The following CERS6 variants were observed in gnomAD, a reference collection of about 807,000 sequenced individuals.
The protein encoded by CERS6 is LAG1 homolog, ceramide synthase 6.
A neutral mutation model predicts 56.8 loss-of-function variants in CERS6; 26 were observed. The observed-to-expected ratio is 0.46, with a 90% CI of 0.34 to 0.63. The LOEUF is 0.63. CERS6 is among the 30% of genes least tolerant of loss of function. The probability of loss-of-function intolerance (pLI) is 0.01; values close to 1 mark genes in which losing one functional copy is unlikely to be tolerated. For synonymous variants in CERS6, 164 were observed against 173.3 expected, an observed-to-expected ratio of 0.95 and a Z score of 0.42; for missense variants, 415 against 467.5, an observed-to-expected ratio of 0.89 and a Z score of 1.04.
chr2:168,693,600 A>G (rs1224581938), intron 5 of CERS6, among the ~76,000 whole-genome samples: 1 of 152,130 alleles, frequency 6.6e-6, no homozygotes, highest in Non-Finnish European at 1.5e-5. Context: ...AGGACAGTTC[A>G]GTAGGAAGTG....
At chr2:168,481,893 G>C (rs1694184255) in intron 1 of CERS6, among the ~76,000 whole-genome samples, 1 of 152,172 alleles carries the variant, frequency 6.6e-6, no homozygotes, top group Non-Finnish European at 1.5e-5. Flanking sequence ...AGTAGTTTTG[G>C]TTTAGAAGTT....
At chr2:168,719,579 T>G (rs1687309007) in intron 8 of CERS6, among the ~76,000 whole-genome samples, 1 of 152,242 alleles carries the variant, frequency 6.6e-6, no homozygotes, top group Non-Finnish European at 1.5e-5. Flanking sequence ...TTCTTTGGAT[T>G]CACCAACAAT....
intron 4 of CERS6, among the ~76,000 whole-genome samples, chr2:168,632,699 A>G (rs953442785): frequency 6.6e-6 from 1 of 152,196 alleles, no homozygotes. Flanking sequence ...TTTTGTGCTT[A>G]TAACTTTACT....
intron 3 of CERS6, among the ~76,000 whole-genome samples, chr2:168,615,475 G>C (rs1684293910): frequency 6.6e-6 from 1 of 151,868 alleles, no homozygotes; most frequent in African/African-American, 2.4e-5. Flanking sequence ...AAAAATGATA[G>C]AAGAAATGAG....
chr2:168,676,885 T>C (rs1353651519), intron 4 of CERS6, among the ~76,000 whole-genome samples: 1 of 152,168 alleles, frequency 6.6e-6, no homozygotes, highest in African/African-American at 2.4e-5. Flanking sequence ...TTCCTTCTAA[T>C]CGCGACTGTC....
chr2:168,624,598 A>C (rs958285845), intron 3 of CERS6, among the ~76,000 whole-genome samples: 1 of 152,152 alleles, frequency 6.6e-6, no homozygotes, highest in African/African-American at 2.4e-5. Context: ...TTGTAAAAAT[A>C]AATAGGTGAC....
chr2:168,616,439 A>T (rs530321734), intron 3 of CERS6, among the ~76,000 whole-genome samples: 1 of 152,374 alleles, frequency 6.6e-6, no homozygotes, highest in South Asian at 2.1e-4. Context: ...AAGATACGGA[A>T]TGGCAGAATG....
intron 1 of CERS6, among the ~76,000 whole-genome samples, chr2:168,528,807 C>G (rs952217718): frequency 1.3e-5 from 2 of 152,228 alleles, no homozygotes; most frequent in African/African-American, 4.8e-5. Context: ...ACTACTTTCT[C>G]TGGACCTCAG....
chr2:168,637,276 G>GACCA (rs1684881777), intron 4 of CERS6, among the ~76,000 whole-genome samples: 2 of 152,114 alleles, frequency 1.3e-5, no homozygotes, highest in Non-Finnish European at 1.5e-5. Flanking sequence ...AGGAGTTCAA[G>GACCA]ACCAGCCTGG....
chr2:168,610,367 C>A (rs901583519), intron 3 of CERS6, among the ~76,000 whole-genome samples: 2 of 152,160 alleles, frequency 1.3e-5, no homozygotes, highest in African/African-American at 4.8e-5. Flanking sequence ...AGCTTGTCAG[C>A]CCCTTGAGGG....
intron 1 of CERS6, among the ~76,000 whole-genome samples, chr2:168,499,873 C>G (rs1243992307): frequency 6.6e-6 from 1 of 152,174 alleles, no homozygotes; most frequent in East Asian, 1.9e-4. Flanking sequence ...TGATATCCTC[C>G]TGGTAACTCA....
intron 4 of CERS6, among the ~76,000 whole-genome samples, chr2:168,657,112 C>T (rs1482399457): frequency 6.6e-6 from 1 of 152,134 alleles, no homozygotes; most frequent in African/African-American, 2.4e-5. Flanking sequence ...TCCACGTCCT[C>T]ACCAGAGCAG....
intron 4 of CERS6, among the ~76,000 whole-genome samples, chr2:168,659,990 A>C (rs1559040731): frequency 6.6e-6 from 1 of 152,242 alleles, no homozygotes; most frequent in Non-Finnish European, 1.5e-5. Flanking sequence ...TTCAAATGGA[A>C]TACAAACGTG....
intron 3 of CERS6, among the ~76,000 whole-genome samples, chr2:168,567,068 C>T (rs1327910430): frequency 3.3e-5 from 5 of 152,136 alleles, no homozygotes; most frequent in Non-Finnish European, 5.9e-5. Flanking sequence ...TGTGTAAATG[C>T]TGATTATAAG....
chr2:168,695,946 G>A (rs939646737), intron 6 of CERS6, among the ~76,000 whole-genome samples: 2 of 152,118 alleles, frequency 1.3e-5, no homozygotes, highest in African/African-American at 2.4e-5. Flanking sequence ...TACTTTTTGA[G>A]TGTTAACATG....
At chr2:168,555,799 A>G (rs1286121102) in intron 2 of CERS6, among the ~76,000 whole-genome samples, 2 of 151,630 alleles carry the variant, frequency 1.3e-5, no homozygotes, top group Non-Finnish European at 2.9e-5. Flanking sequence ...CTAAACTGCA[A>G]AAAAGTACCA....
At chr2:168,715,942 G>A (rs764219497) in intron 7 of CERS6, among the ~76,000 whole-genome samples, 1 of 151,364 alleles carries the variant, frequency 6.6e-6, no homozygotes, top group East Asian at 1.9e-4. Flanking sequence ...TTTCCTTTAG[G>A]CCCACCGTTT....
chr2:168,548,182 G>T (rs148100457), intron 2 of CERS6, among the ~76,000 whole-genome samples: 269 of 152,290 alleles, frequency 1.8e-3, no homozygotes, highest in Middle Eastern at 0.017. Flanking sequence ...CAGGATAAAA[G>T]ATTGTACCAT....
chr2:168,558,868 C>A (rs1387736550), intron 2 of CERS6, among the ~76,000 whole-genome samples: 1 of 151,958 alleles, frequency 6.6e-6, no homozygotes. Flanking sequence ...GACTCTGTCA[C>A]ACACACAAAA....
Sources: gnomAD v4.1 joint callset for allele counts (sites outside exome capture counted in the v4.1 genomes callset) on GRCh38, gnomAD v4.1.1 for gene constraint, MANE v1.5 for transcripts, NCBI Gene and HGNC (gene_info 2026-07-23, HGNC 2026-07-21) for gene names.